The following LGMN variants were observed in gnomAD, a reference collection of about 807,000 sequenced individuals.
The protein encoded by LGMN is legumain.
A neutral mutation model predicts 56.8 loss-of-function variants in LGMN; 36 were observed. That is an observed-to-expected ratio of 0.63 (90% CI 0.49 to 0.84). LGMN has a LOEUF of 0.84. LGMN is among the 40% of genes least tolerant of loss of function. The probability of loss-of-function intolerance (pLI) is 0.00; values close to 1 mark genes in which losing one functional copy is unlikely to be tolerated. For synonymous variants in LGMN, 199 were observed against 210.1 expected (o/e 0.95, Z 0.46); for missense variants, 446 against 556.1 (o/e 0.80, Z 1.99).
chr14:92,742,568 TGA>T (rs1891609881), intron 1 of LGMN, among the ~76,000 whole-genome samples: 1 of 152,116 alleles, frequency 6.6e-6, no homozygotes, highest in Non-Finnish European at 1.5e-5. Flanking sequence ...ATTACAGATG[TGA>T]GCCACTGCAC....
At chr14:92,727,715 C>T (rs1309961670) in intron 2 of LGMN, among the ~76,000 whole-genome samples, 1 of 152,186 alleles carries the variant, frequency 6.6e-6, no homozygotes, top group African/African-American at 2.4e-5. Context: ...CCATCCCTCT[C>T]CTGATGGACC....
Position 92,704,234 on chromosome 14 carries a change from A to T in LGMN, c.*85T>A. On this transcript the variant is annotated 3_prime_UTR_variant, in exon 14 of 14. Transcript: ENST00000334869. ...CCCCAGGAGGGCCCGAGCAGCGGAGACTTCTCACTCCACCTCTCCAGTCTC... is the reference window on the plus strand; with the variant it reads ...CCCCAGGAGGGCCCGAGCAGCGGAGTCTTCTCACTCCACCTCTCCAGTCTC... The T allele has an allele frequency of 6.3e-7, 1 of 1,583,962 alleles. No homozygotes were observed. The highest frequency in any genetic ancestry group is 8.7e-7 in the Non-Finnish European group (1 of 1,152,714).
intron 1 of LGMN, among the ~76,000 whole-genome samples, chr14:92,745,874 T>G (rs1174411834): frequency 4.0e-5 from 6 of 151,838 alleles, no homozygotes; most frequent in Non-Finnish European, 8.8e-5. Context: ...CAGGCTGGAG[T>G]GCAGTGGCGC....
In LGMN at chr14:92,743,502, C is replaced by CA. The variant is rs775402397; in HGVS notation, c.-30+4986dup. 4.7e-3 allele frequency among the ~76,000 whole-genome samples: 642 copies of CA among 136,528 alleles called. 4 individuals carry two copies. Among genetic ancestry groups the CA allele is most frequent in the Middle Eastern group, 0.034 (8 of 234 alleles). 89.6% of individuals were successfully genotyped at this position (136,528 alleles called of 152,430 possible). A position where few individuals can be genotyped will look rare whatever the true frequency, so the allele number is the denominator to read the frequency against. On this transcript the variant is annotated intron_variant, in intron 1 of 13. Coordinates refer to ENST00000334869, the MANE Select transcript of LGMN (RefSeq NM_005606.7). Reference sequence around the variant, plus strand: ...TGGGCAACAAAGCGAGACTCCGTCTCAAAAAAAAAAAAATCCAGGCCTGGT... The same window carrying CA: ...TGGGCAACAAAGCGAGACTCCGTCTCAAAAAAAAAAAAAATCCAGGCCTGGT...
Position 92,707,224 on chromosome 14 carries a change from T to G in LGMN, c.1021-571A>C, listed in dbSNP as rs1003871315. Among the ~76,000 whole-genome samples, 5 of 146,798 alleles carry G rather than the reference T, an allele frequency of 3.4e-5. No individual in the cohort carries two copies. In the East Asian group the frequency reaches 1.0e-3, roughly 30 times the overall value. ...CTGGGCAACACAGGAAGACCCTGCC[T>G]CTATTAAAATAAAAATCAAAAAACT... On this transcript the variant is annotated intron_variant, in intron 11 of 13. Transcript: ENST00000334869.
At chr14:92,744,582 AAT>A (rs1720334957) in intron 1 of LGMN, among the ~76,000 whole-genome samples, 1 of 151,622 alleles carries the variant, frequency 6.6e-6, no homozygotes, top group Non-Finnish European at 1.5e-5. Context: ...TTTTTAAGGA[AAT>A]TATCCTTTAG....
intron 2 of LGMN, among the ~76,000 whole-genome samples, chr14:92,729,592 A>C (rs1890943888): frequency 1.3e-5 from 2 of 151,966 alleles, no homozygotes; most frequent in Non-Finnish European, 2.9e-5. Flanking sequence ...GCACTTAGCA[A>C]TGATTTATTT....
In LGMN at chr14:92,718,667, G is replaced by T. The variant is rs1052068971; in HGVS notation, c.236+80C>A. 12 of 868,186 alleles carry T rather than the reference G, an allele frequency of 1.4e-5. No homozygotes were observed. The African/African-American group carries it at 1.8e-4, about 13-fold the overall frequency. The allele number at this position is 868,186 out of a possible 1,614,324, so 53.8% of individuals were successfully genotyped here. A position where few individuals can be genotyped will look rare whatever the true frequency, so the allele number is the denominator to read the frequency against. On this transcript the variant is annotated intron_variant, in intron 3 of 13. Coordinates refer to ENST00000334869, the MANE Select transcript of LGMN (RefSeq NM_005606.7). ...TATATATTTTAACATTAGGCCACTA[G>T]GATTCCTGTGAGTCTATGTGACCTT...
chr14:92,734,501 G>C (rs576583548), intron 1 of LGMN, among the ~76,000 whole-genome samples: 17 of 152,204 alleles, frequency 1.1e-4, no homozygotes, highest in African/African-American at 4.1e-4. Flanking sequence ...TTAGCCAGGC[G>C]TGGTGGCAGG....
At chr14:92,734,274 G>A (rs1891198055) in intron 1 of LGMN, among the ~76,000 whole-genome samples, 2 of 152,190 alleles carry the variant, frequency 1.3e-5, no homozygotes, top group South Asian at 4.1e-4. Flanking sequence ...CATGCCTTCT[G>A]AACGGCTGGT....
intron 2 of LGMN, among the ~76,000 whole-genome samples, chr14:92,722,817 A>G (rs1055359213): frequency 7.9e-5 from 12 of 152,182 alleles, no homozygotes; most frequent in African/African-American, 2.7e-4. Context: ...AAGATATACA[A>G]ATTGTTAGTC....
At chr14:92,718,598 G>T in intron 3 of LGMN, 149 bp downstream of exon 3, 1 of 423,298 alleles carries the variant, frequency 2.4e-6, no homozygotes, top group South Asian at 4.7e-5. Context: ...AAAAAAAAAA[G>T]CTCAACATGA....
At chr14:92,730,274 A>T (rs1890984351) in intron 2 of LGMN, among the ~76,000 whole-genome samples, 1 of 152,214 alleles carries the variant, frequency 6.6e-6, no homozygotes, top group Admixed American at 6.5e-5. Flanking sequence ...TGCCATGATA[A>T]CAACTTTTTA....
chr14:92,705,040 G>A (rs1286005765), intron 12 of LGMN: 2 of 281,368 alleles, frequency 7.1e-6, no homozygotes, highest in Non-Finnish European at 1.4e-5. Flanking sequence ...TTGATTCTGG[G>A]AGGGACACGC....
At chr14:92,744,079 G>A (rs1278861397) in intron 1 of LGMN, among the ~76,000 whole-genome samples, 14 of 150,588 alleles carry the variant, frequency 9.3e-5, no homozygotes, top group Admixed American at 1.3e-4. Context: ...GCTTGAACCC[G>A]GGAGGAAGAG....
chr14:92,710,705 G>C (rs967685585), intron 10 of LGMN, among the ~76,000 whole-genome samples: 3 of 152,178 alleles, frequency 2.0e-5, no homozygotes, highest in African/African-American at 4.8e-5. Context: ...CCAATGATGA[G>C]GACACTGTGA....
chr14:92,738,888 A>T (rs959158826), intron 1 of LGMN, among the ~76,000 whole-genome samples: 1 of 151,674 alleles, frequency 6.6e-6, no homozygotes, highest in Admixed American at 6.6e-5. Context: ...GCGTGGTGGT[A>T]TGTACCTGTA....
chr14:92,707,447 C>T (rs915267283), intron 11 of LGMN, among the ~76,000 whole-genome samples: 35 of 152,306 alleles, frequency 2.3e-4, no homozygotes, highest in African/African-American at 8.2e-4. Context: ...TTCCTCAACT[C>T]TGTATCTTTA....
At chr14:92,722,297 C>T (rs1012521644) in intron 2 of LGMN, among the ~76,000 whole-genome samples, 4 of 151,976 alleles carry the variant, frequency 2.6e-5, no homozygotes, top group Non-Finnish European at 4.4e-5. Flanking sequence ...TCAGGCCAGG[C>T]GCAGTGGCTC....
Sources: allele counts gnomAD v4.1 joint callset (sites outside exome capture counted in the v4.1 genomes callset), GRCh38; gene constraint gnomAD v4.1.1; transcripts MANE v1.5; gene names NCBI Gene and HGNC (gene_info 2026-07-23, HGNC 2026-07-21).